The following RGS17 variants were observed in gnomAD, a reference collection of about 807,000 sequenced individuals.
The protein encoded by RGS17 is regulator of G-protein signaling 17.
Under a neutral mutation model 25.5 loss-of-function variants are expected in RGS17, and 12 were observed. The ratio of observed to expected loss-of-function variants is 0.47; its 90% CI spans 0.30 to 0.76. RGS17 has a LOEUF of 0.76. Ranked by LOEUF, RGS17 falls within the 30% of genes least tolerant of loss-of-function variation. The pLI is 0.07. For missense variants in RGS17, 196 were observed against 242.2 expected (o/e 0.81, Z 1.27); for synonymous variants, 71 against 76.9 (o/e 0.92, Z 0.40).
At chr6:153,108,801 G>C (rs9479511) in intron 1 of RGS17, among the ~76,000 whole-genome samples, 6 of 151,012 alleles carry the variant, frequency 4.0e-5, no homozygotes, top group Admixed American at 4.0e-4. Context: ...ATGAATGCAA[G>C]AGTGTGCATG....
chr6:153,079,992 TTA>T, intron 1 of RGS17, among the ~76,000 whole-genome samples: 1 of 152,296 alleles, frequency 6.6e-6, no homozygotes, highest in South Asian at 2.1e-4. Flanking sequence ...TTATTTTTAT[TTA>T]TTTTTTTAGA....
At chr6:153,097,558 T>G (rs1777236370) in intron 1 of RGS17, among the ~76,000 whole-genome samples, 1 of 151,992 alleles carries the variant, frequency 6.6e-6, no homozygotes, top group Non-Finnish European at 1.5e-5. Flanking sequence ...CTTGGAAGCC[T>G]GGGAGCAGGG....
At chr6:153,068,215 C>G (rs1034560168) in intron 1 of RGS17, among the ~76,000 whole-genome samples, 5 of 152,124 alleles carry the variant, frequency 3.3e-5, no homozygotes, top group African/African-American at 7.2e-5. Context: ...GAGGCCAAGG[C>G]GGGTAGATCA....
chr6:153,024,633 C>T, intron 3 of RGS17, 137 bp from the exon 4 acceptor site: 1 of 649,994 alleles, frequency 1.5e-6, no homozygotes, highest in South Asian at 1.9e-5. Flanking sequence ...CTCAGTCCAG[C>T]CTGATGTGCC....
chr6:153,031,330 T>C (rs1050809219), intron 2 of RGS17, among the ~76,000 whole-genome samples: 2 of 152,248 alleles, frequency 1.3e-5, no homozygotes, highest in African/African-American at 4.8e-5. Flanking sequence ...AGATGCTTAG[T>C]TGAATGGAAG....
intron 2 of RGS17, among the ~76,000 whole-genome samples, chr6:153,034,152 G>C (rs1167894586): frequency 6.6e-6 from 1 of 152,044 alleles, no homozygotes; most frequent in Non-Finnish European, 1.5e-5. Context: ...CCTTTCCCTC[G>C]CATTTTCCAG....
chr6:153,126,001 CAT>C (rs992605683), intron 1 of RGS17, among the ~76,000 whole-genome samples: 25 of 152,314 alleles, frequency 1.6e-4, no homozygotes, highest in African/African-American at 6.0e-4. Context: ...ACCACTGAAT[CAT>C]GTGAAACATT....
intron 1 of RGS17, among the ~76,000 whole-genome samples, chr6:153,092,007 T>C (rs773689977): frequency 4.9e-4 from 75 of 152,260 alleles, no homozygotes; most frequent in Non-Finnish European, 8.8e-4. Context: ...GGAAAACTAG[T>C]AGAAATGCGA....
chr6:153,024,461 G>A lies in RGS17; in HGVS notation c.245C>T (p.Ser82Phe). The part of the protein sequence containing the change: ...NPTAEEVLSW[S>F]QNFDKMMKAP... The stretch of plus-strand genomic sequence containing the variant: ...CTTCATCATCTTGTCAAAATTTTGA[G>A]ACCAGGACAAGACTTCCTCTGCAGT... Residue 82 changes from serine to phenylalanine, a missense_variant, in exon 4 of 5, where the codon TCT becomes TTT. By Grantham distance (155) the Ser-to-Phe change is radical. Coordinates refer to ENST00000206262, the MANE Select transcript of RGS17 (RefSeq NM_012419.5). The A allele has an allele frequency of 6.2e-7, 1 of 1,614,142 alleles. No homozygotes were observed. The highest frequency in any genetic ancestry group is 8.5e-7 in the Non-Finnish European group (1 of 1,180,006).
At chr6:153,062,272 T>C (rs1180474134) in intron 1 of RGS17, among the ~76,000 whole-genome samples, 1 of 151,996 alleles carries the variant, frequency 6.6e-6, no homozygotes, top group Non-Finnish European at 1.5e-5. Context: ...AACTGCCACC[T>C]CTCCTCCCTA....
chr6:153,023,835 T>C (rs752405574), intron 4 of RGS17, among the ~76,000 whole-genome samples: 10 of 152,176 alleles, frequency 6.6e-5, no homozygotes, highest in Non-Finnish European at 1.3e-4. Context: ...GGGTCCTATT[T>C]CCAAAAATTC....
chr6:153,024,823 G>C (rs955079204), intron 3 of RGS17, among the ~76,000 whole-genome samples: 3 of 152,264 alleles, frequency 2.0e-5, no homozygotes, highest in African/African-American at 4.8e-5. Context: ...ACAATGTGTT[G>C]CAAGTTGATA....
At position 153,130,483 on chromosome 6, in the gene RGS17, T is replaced by TACAC. The variant is rs58779961; in HGVS notation, c.-26+637_-26+640dup. On this transcript the variant is annotated intron_variant, in intron 1 of 4. Coordinates refer to ENST00000206262, the MANE Select transcript of RGS17 (RefSeq NM_012419.5). The surrounding 1 kb of genome is among the most constrained non-coding windows in gnomAD (Gnocchi z 6.4). ...CCCACCCCCTATACATACATACACA[T>TACAC]ACACACACACACACACACACACACA... Among the ~76,000 whole-genome samples, 297 of 146,208 alleles carry TACAC rather than the reference T, an allele frequency of 2.0e-3. No homozygotes were observed. Among genetic ancestry groups the TACAC allele is most frequent in the Middle Eastern group, 0.011 (3 of 284 alleles).
chr6:153,120,170 T>C (rs957782227), intron 1 of RGS17, among the ~76,000 whole-genome samples: 1 of 152,228 alleles, frequency 6.6e-6, no homozygotes, highest in East Asian at 1.9e-4. Flanking sequence ...ATGGCTCTAC[T>C]GACATAGCCT....
chr6:153,082,425 A>C (rs899997417), intron 1 of RGS17, among the ~76,000 whole-genome samples: 10 of 152,122 alleles, frequency 6.6e-5, no homozygotes, highest in African/African-American at 1.7e-4. Context: ...AAGCTGGATA[A>C]ATTCTATCAC....
chr6:153,080,394 CCCT>C (rs1317297203), intron 1 of RGS17, among the ~76,000 whole-genome samples: 2 of 152,036 alleles, frequency 1.3e-5, no homozygotes, highest in Admixed American at 6.5e-5. Context: ...TATCGCGCTA[CCCT>C]CCTCTTTTTT....
intron 1 of RGS17, among the ~76,000 whole-genome samples, chr6:153,096,109 GA>G (rs1168896572): frequency 6.6e-6 from 1 of 152,178 alleles, no homozygotes; most frequent in African/African-American, 2.4e-5. Context: ...CGTGCTACTG[GA>G]ACTCAGAGGA....
intron 1 of RGS17, among the ~76,000 whole-genome samples, chr6:153,107,863 A>G (rs1368368276): frequency 1.3e-5 from 2 of 152,188 alleles, no homozygotes; most frequent in Non-Finnish European, 2.9e-5. Context: ...AGCAGCAATC[A>G]AATCCCTAAC....
At chr6:153,051,002 T>A (rs1386582972) in intron 1 of RGS17, among the ~76,000 whole-genome samples, 1 of 152,208 alleles carries the variant, frequency 6.6e-6, no homozygotes, top group East Asian at 1.9e-4. Context: ...TCTCTCCATG[T>A]GAGGACACGG....
Sources: allele counts gnomAD v4.1 joint callset (sites outside exome capture counted in the v4.1 genomes callset), GRCh38; gene constraint gnomAD v4.1.1; non-coding constraint Gnocchi (gnomAD v3.1); transcripts MANE v1.5; gene names NCBI Gene and HGNC (gene_info 2026-07-23, HGNC 2026-07-21).